Variants in ROBO2 observed in about 807,000 individuals in gnomAD.
ROBO2 encodes roundabout guidance receptor 2.
In ROBO2, 53 loss-of-function variants were observed where a neutral mutation model predicts 160.8. The observed-to-expected ratio is 0.33, with a 90% CI of 0.26 to 0.41. The LOEUF (loss-of-function observed/expected upper bound fraction) is 0.41. Ranked by LOEUF, ROBO2 falls within the 10% of genes least tolerant of loss-of-function variation. The probability of loss-of-function intolerance (pLI) is 1.00; values close to 1 mark genes in which losing one functional copy is unlikely to be tolerated. For missense variants in ROBO2, 1,577 were observed against 1,722.4 expected (o/e 0.92, Z 1.49); for synonymous variants, 664 against 611.7 (o/e 1.09, Z -1.26).
rs183037568 is a variant in ROBO2, at chr3:76,334,149, T to A, written c.109+396547T>A. Among the ~76,000 whole-genome samples the A allele has an allele frequency of 6.6e-3, 1,000 of 152,002 alleles. 10 individuals are homozygous for A. The highest frequency in any genetic ancestry group is 0.022 in the African/African-American group (908 of 41,432). Reference sequence around the variant, plus strand: ...TAGAACTTAAAGTATAATAAAAAAATATATATATATACATATAAAAGAAGC... The same window carrying A: ...TAGAACTTAAAGTATAATAAAAAAAAATATATATATACATATAAAAGAAGC... On this transcript the variant is annotated intron_variant, in intron 2 of 26. Coordinates refer to the ROBO2 transcript ENST00000487694.
At chr3:77,275,038 A>G (rs1317264000) in intron 2 of ROBO2, among the ~76,000 whole-genome samples, 1 of 152,156 alleles carries the variant, frequency 6.6e-6, no homozygotes, top group Non-Finnish European at 1.5e-5. Context: ...TCTTAGATTC[A>G]TATTGCAGCT....
intron 2 of ROBO2, among the ~76,000 whole-genome samples, chr3:77,419,447 A>G (rs1250341900): frequency 3.3e-5 from 5 of 152,122 alleles, no homozygotes; most frequent in African/African-American, 1.2e-4. Context: ...AATAAAACAA[A>G]TTGAACATGA....
chr3:77,084,170 T>C (rs565384312), intron 1 of ROBO2, among the ~76,000 whole-genome samples: 2 of 149,380 alleles, frequency 1.3e-5, no homozygotes, highest in South Asian at 4.2e-4. Flanking sequence ...AAGTAACCAG[T>C]AATAATGTTC....
intron 1 of ROBO2, among the ~76,000 whole-genome samples, chr3:75,914,878 ATAAG>A (rs1946744430): frequency 6.6e-6 from 1 of 152,302 alleles, no homozygotes; most frequent in East Asian, 1.9e-4. Context: ...TTCAGCAACC[ATAAG>A]TAAGAAGGAT....
chr3:77,258,473 A>G (rs1460830790), intron 2 of ROBO2, among the ~76,000 whole-genome samples: 2 of 152,150 alleles, frequency 1.3e-5, no homozygotes, highest in African/African-American at 4.8e-5. Context: ...TCCAGGTAAG[A>G]TTAGCTGGCC....
intron 1 of ROBO2, among the ~76,000 whole-genome samples, chr3:77,074,732 T>C (rs2067774498): frequency 6.7e-6 from 1 of 148,408 alleles, no homozygotes; most frequent in Admixed American, 6.6e-5. Context: ...TATAAATGAA[T>C]AAGTGATGAA....
intron 2 of ROBO2, among the ~76,000 whole-genome samples, chr3:76,183,884 C>T (rs1174625801): frequency 3.9e-5 from 6 of 152,064 alleles, no homozygotes; most frequent in African/African-American, 1.4e-4. Flanking sequence ...AGATTCTATG[C>T]ATTAAGAATG....
At chr3:76,070,127 T>C (rs6776686) in intron 2 of ROBO2, among the ~76,000 whole-genome samples, 94,810 of 152,044 alleles carry the variant, frequency 0.62, 30,211 homozygotes, top group African/African-American at 0.75. Flanking sequence ...GAAATCTGGG[T>C]ACCTTGAAAA....
At chr3:77,605,880 A>C (rs866301868) in intron 20 of ROBO2, among the ~76,000 whole-genome samples, 1 of 152,168 alleles carries the variant, frequency 6.6e-6, no homozygotes, top group Non-Finnish European at 1.5e-5. Context: ...CACTCTCTCT[A>C]TATATAAATA....
intron 2 of ROBO2, among the ~76,000 whole-genome samples, chr3:76,801,292 G>T (rs995168312): frequency 1.3e-5 from 2 of 152,134 alleles, no homozygotes; most frequent in Non-Finnish European, 2.9e-5. Flanking sequence ...AAGAAATGAA[G>T]ATGGTCAGTG....
chr3:76,983,460 A>T (rs989859193), intron 2 of ROBO2, among the ~76,000 whole-genome samples: 1 of 152,210 alleles, frequency 6.6e-6, no homozygotes, highest in Admixed American at 6.5e-5. Context: ...AATAAAGTGA[A>T]CGCCAAGGGT....
intron 2 of ROBO2, among the ~76,000 whole-genome samples, chr3:75,943,323 C>A (rs1346736868): frequency 2.0e-5 from 3 of 152,120 alleles, no homozygotes; most frequent in African/African-American, 4.8e-5. Context: ...TAAGGTACAT[C>A]TCCTAATGAA....
At chr3:77,340,278 A>G (rs748991784) in intron 2 of ROBO2, among the ~76,000 whole-genome samples, 1 of 152,130 alleles carries the variant, frequency 6.6e-6, no homozygotes, top group African/African-American at 2.4e-5. Context: ...TAGCAATAGA[A>G]TTAGTAGTAA....
intron 2 of ROBO2, among the ~76,000 whole-genome samples, chr3:76,713,978 A>G (rs1222749181): frequency 6.6e-6 from 1 of 151,922 alleles, no homozygotes; most frequent in Admixed American, 6.6e-5. Flanking sequence ...AAAAAATGAG[A>G]CTTCAGAAAA....
chr3:76,980,635 T>C (rs534622486), intron 2 of ROBO2, among the ~76,000 whole-genome samples: 119 of 152,334 alleles, frequency 7.8e-4, no homozygotes, highest in Admixed American at 3.7e-3. Flanking sequence ...ACTTTATTAT[T>C]AAAATTAATA....
intron 2 of ROBO2, among the ~76,000 whole-genome samples, chr3:77,126,258 G>A (rs753833361): frequency 2.0e-5 from 3 of 152,086 alleles, no homozygotes; most frequent in Non-Finnish European, 2.9e-5. Context: ...TTTCCAAAAC[G>A]TATTCAAAGA....
At chr3:77,055,783 A>C (rs539240331) in intron 1 of ROBO2, among the ~76,000 whole-genome samples, 1 of 152,220 alleles carries the variant, frequency 6.6e-6, no homozygotes, top group Non-Finnish European at 1.5e-5. Context: ...AATTTATATA[A>C]CTACGAGATG....
intron 2 of ROBO2, among the ~76,000 whole-genome samples, chr3:77,408,552 T>C (rs796524807): frequency 1.5e-4 from 23 of 152,262 alleles, no homozygotes; most frequent in African/African-American, 5.5e-4. Flanking sequence ...GGAACTTACA[T>C]GGGTAAAATC....
At chr3:75,974,447 G>A (rs1475243841) in intron 2 of ROBO2, among the ~76,000 whole-genome samples, 2 of 151,600 alleles carry the variant, frequency 1.3e-5, no homozygotes, top group East Asian at 2.0e-4. Context: ...TTGAACAGTC[G>A]AGAGTAGCTA....
Sources: allele counts gnomAD v4.1 joint callset (sites outside exome capture counted in the v4.1 genomes callset), GRCh38; gene constraint gnomAD v4.1.1; transcripts MANE v1.5; gene names NCBI Gene and HGNC (gene_info 2026-07-23, HGNC 2026-07-21).